SUSD5: variants seen among roughly 807,000 people sequenced by gnomAD.
SUSD5 encodes the protein sushi domain containing 5.
In SUSD5, 33 loss-of-function variants were observed where a neutral mutation model predicts 29.5. The observed-to-expected ratio is 1.12, with a 90% CI of 0.85 to 1.49. SUSD5 has a LOEUF of 1.49. Among genes scored for constraint, SUSD5 ranks in the 40% most tolerant of loss-of-function variants. The pLI, the probability that SUSD5 is intolerant of heterozygous loss-of-function variation, is 0.00. For synonymous variants in SUSD5, 308 were observed against 325.3 expected (o/e 0.95, Z 0.57); for missense variants, 776 against 800.6 (o/e 0.97, Z 0.37).
At chr3:33,170,888 G>C (rs557295731) in intron 4 of SUSD5, among the ~76,000 whole-genome samples, 174 of 152,322 alleles carry the variant, frequency 1.1e-3, no homozygotes, top group African/African-American at 4.1e-3. Flanking sequence ...GATACCTTAG[G>C]TGAAAGGGCC....
intron 2 of SUSD5, among the ~76,000 whole-genome samples, chr3:33,208,736 T>C (rs1014118708): frequency 2.0e-5 from 3 of 152,202 alleles, no homozygotes; most frequent in African/African-American, 4.8e-5. Context: ...CTTTGACTTA[T>C]TGAAATGTAT....
chr3:33,218,806 A>T lies in SUSD5; in HGVS notation c.-9T>A. ...GGTCCCTCGGCAGTCATGGTCCGGG[A>T]GTGCGCGGGCCAGCGGACTCGGGTG... On this transcript the variant is annotated 5_prime_UTR_variant, in exon 1 of 5. Transcript: ENST00000309558. 6.9e-7 allele frequency: 1 copy of T among 1,441,552 alleles called. No individual in the cohort carries two copies. The highest frequency in any genetic ancestry group is 9.1e-7 in the Non-Finnish European group (1 of 1,102,962). 89.3% of individuals were successfully genotyped at this position (1,441,552 alleles called of 1,614,324 possible). A position where few individuals can be genotyped will look rare whatever the true frequency, so the allele number is the denominator to read the frequency against.
chr3:33,182,976 T>C (rs772058013), intron 3 of SUSD5, among the ~76,000 whole-genome samples: 2 of 149,232 alleles, frequency 1.3e-5, no homozygotes, highest in Non-Finnish European at 3.0e-5. Flanking sequence ...TTTTTTTTTT[T>C]AGTAGAGACA....
chr3:33,212,221 T>C (rs575426738), intron 2 of SUSD5, among the ~76,000 whole-genome samples: 1 of 152,298 alleles, frequency 6.6e-6, no homozygotes, highest in South Asian at 2.1e-4. Flanking sequence ...TGTACAATTA[T>C]TATTTGTCAA....
chr3:33,186,590 C>T (rs2031784710), intron 3 of SUSD5, among the ~76,000 whole-genome samples: 1 of 151,778 alleles, frequency 6.6e-6, no homozygotes, highest in Non-Finnish European at 1.5e-5. Context: ...CCATGCCCAG[C>T]TAATTTTTGT....
chr3:33,185,132 G>A (rs141329026), intron 3 of SUSD5, among the ~76,000 whole-genome samples: 2,353 of 152,268 alleles, frequency 0.015, 54 homozygotes, highest in African/African-American at 0.052. Context: ...AACTTCATCA[G>A]TGCTTCTCAT....
chr3:33,179,048 A>G lies in SUSD5; in HGVS notation c.410-3974T>C, dbSNP rs562726789. Reference sequence around the variant, plus strand: ...CCTTAAATGTTTGGCAGAATCCACTAGTGAACGCTCTGGGCTTGTGCTTTC... The same window carrying G: ...CCTTAAATGTTTGGCAGAATCCACTGGTGAACGCTCTGGGCTTGTGCTTTC... On this transcript the variant is annotated intron_variant, in intron 3 of 4. Coordinates refer to ENST00000309558, the MANE Select transcript of SUSD5 (RefSeq NM_015551.2). Among the ~76,000 whole-genome samples, 207 of 152,296 alleles carry G rather than the reference A, an allele frequency of 1.4e-3. 1 individual carries two copies. Among genetic ancestry groups the G allele is most frequent in the Non-Finnish European group, 2.3e-3 (158 of 68,022 alleles).
chr3:33,151,212 A>G lies in SUSD5; in HGVS notation c.*1530T>C, dbSNP rs1319024861. On this transcript the variant is annotated 3_prime_UTR_variant, in exon 5 of 5. Transcript: ENST00000309558. ...CTTGTTAAAAACAGAACTGGGCCCT[A>G]CTCCCAGGGTTCCTGTTTCCTGAGT... 7 of 152,268 alleles carry G rather than the reference A, an allele frequency of 4.6e-5. No homozygotes were observed. Among genetic ancestry groups the G allele is most frequent in the South Asian group, 2.1e-4 (1 of 4,822 alleles). The allele number at this position is 152,268 out of a possible 1,614,324, so 9.4% of individuals were successfully genotyped here. A position where few individuals can be genotyped will look rare whatever the true frequency, so the allele number is the denominator to read the frequency against.
At chr3:33,180,894 G>A (rs2031656605) in intron 3 of SUSD5, among the ~76,000 whole-genome samples, 1 of 149,692 alleles carries the variant, frequency 6.7e-6, no homozygotes, top group Non-Finnish European at 1.5e-5. Flanking sequence ...ATGTTGCCCA[G>A]GTTGTTCTTT....
At chr3:33,206,375 A>AAAAT (rs762504481) in intron 3 of SUSD5, among the ~76,000 whole-genome samples, 6 of 151,504 alleles carry the variant, frequency 4.0e-5, no homozygotes, top group Admixed American at 2.6e-4. Flanking sequence ...ACTCCATCTC[A>AAAAT]AAATAAATAA....
chr3:33,177,616 C>T (rs1006687584), intron 3 of SUSD5, among the ~76,000 whole-genome samples: 53 of 152,036 alleles, frequency 3.5e-4, no homozygotes, highest in Non-Finnish European at 7.4e-5. Flanking sequence ...TTAAGTGATC[C>T]TCCCACCTCG....
chr3:33,214,045 C>T lies in SUSD5; in HGVS notation c.173G>A (p.Arg58Gln), dbSNP rs746556956. 3.3e-5 allele frequency: 53 copies of T among 1,613,468 alleles called. No individual in the cohort carries two copies. The East Asian group carries it at 4.7e-4, about 14-fold the overall frequency. Residue 58 changes from arginine (R) to glutamine (Q), a missense_variant, in exon 2 of 5, where the codon CGG becomes CAG. Arg to Gln is a conservative substitution (Grantham distance 43). Coordinates refer to ENST00000309558, the MANE Select transcript of SUSD5 (RefSeq NM_015551.2). ...AGCGCCCCTGCTCTTGCAGGAAAGC[C>T]GAGCAGCCTCCAGTTGTAGGCCCTG... ...GSQGLQLEAA[R>Q]LSCKSRGAHL... is the part of the protein sequence containing the mutation.
chr3:33,152,646 T>C lies in SUSD5; in HGVS notation c.*96A>G, dbSNP rs6773595. The C allele has an allele frequency of 0.83, 1,094,536 of 1,314,536 alleles. 457,208 individuals carry two copies. The highest frequency in any genetic ancestry group is 1 in the East Asian group (40,367 of 40,494). The allele number at this position is 1,314,536 out of a possible 1,614,324, so 81.4% of individuals were successfully genotyped here. On this transcript the variant is annotated 3_prime_UTR_variant, in exon 5 of 5. Transcript: ENST00000309558. ...AGGGCTGAGGAAAAAATGATGAGCC[T>C]CAGTCCACCTGCGTCATGCTCTAGT...
At chr3:33,193,774 C>T (rs1575540083) in intron 3 of SUSD5, among the ~76,000 whole-genome samples, 1 of 152,150 alleles carries the variant, frequency 6.6e-6, no homozygotes, top group South Asian at 2.1e-4. Flanking sequence ...TTGCTTCTAA[C>T]CTACAAACTG....
intron 1 of SUSD5, among the ~76,000 whole-genome samples, chr3:33,215,292 T>A (rs541238126): frequency 2.0e-4 from 30 of 152,146 alleles, no homozygotes; most frequent in Non-Finnish European, 4.3e-4. Context: ...TAAGAACCTA[T>A]GTGCACTACT....
chr3:33,174,797 A>C (rs1175003042), intron 4 of SUSD5, 89 bp downstream of exon 4: 2 of 1,487,756 alleles, frequency 1.3e-6, no homozygotes, highest in Non-Finnish European at 1.8e-6. Flanking sequence ...CTTGGTGGAG[A>C]AGAGCCCACC....
At chr3:33,156,079 C>A (rs1216346980) in intron 4 of SUSD5, among the ~76,000 whole-genome samples, 1 of 150,640 alleles carries the variant, frequency 6.6e-6, no homozygotes, top group Admixed American at 6.6e-5. Context: ...CTCGCTCTGT[C>A]TCCTAGGCTA....
intron 4 of SUSD5, among the ~76,000 whole-genome samples, chr3:33,158,356 C>G (rs1056163996): frequency 1.3e-5 from 2 of 152,182 alleles, no homozygotes; most frequent in African/African-American, 4.8e-5. Flanking sequence ...TACGTGCACA[C>G]AACACACACC....
At chr3:33,156,328 C>T (rs751430142) in intron 4 of SUSD5, among the ~76,000 whole-genome samples, 5 of 152,060 alleles carry the variant, frequency 3.3e-5, no homozygotes, top group South Asian at 2.1e-4. Flanking sequence ...CATGAGTCAC[C>T]GCGCCCGGCC....
Sources: allele counts gnomAD v4.1 joint callset (sites outside exome capture counted in the v4.1 genomes callset), GRCh38; gene constraint gnomAD v4.1.1; transcripts MANE v1.5; gene names NCBI Gene and HGNC (gene_info 2026-07-23, HGNC 2026-07-21).